The following PDZD2 variants were observed in gnomAD, a reference collection of about 807,000 sequenced individuals.
The protein encoded by PDZD2 is PDZ domain containing 2, also known as PDZ domain-containing protein 2.
A neutral mutation model predicts 220.7 loss-of-function variants in PDZD2; 90 were observed. That is an observed-to-expected ratio of 0.41 (90% CI 0.34 to 0.49). The LOEUF (loss-of-function observed/expected upper bound fraction) is 0.49, where lower values mean the gene tolerates loss of function less well. Among genes scored for constraint, PDZD2 ranks in the 20% least tolerant of loss-of-function variants. The pLI is 0.28. For missense variants in PDZD2, 3,174 were observed against 3,608.5 expected (o/e 0.88, Z 3.08); for synonymous variants, 1,375 against 1,450.5 (o/e 0.95, Z 1.18).
chr5:31,709,445 T>C (rs1283837247), intron 1 of PDZD2, among the ~76,000 whole-genome samples: 1 of 151,410 alleles, frequency 6.6e-6, no homozygotes, highest in African/African-American at 2.4e-5. Context: ...CTTATGGCAC[T>C]GCACTGCAGC....
intron 5 of PDZD2, among the ~76,000 whole-genome samples, chr5:32,007,913 G>A (rs35487138): frequency 0.22 from 33,060 of 151,946 alleles, 3,675 homozygotes; most frequent in Admixed American, 0.26. Context: ...GATCTCACCT[G>A]CGTCTTACAG....
rs1186259605 is a variant in PDZD2, at chr5:32,022,178, TTTTTTTGTTTTTTTG to T, written c.1407+11711_1407+11725del. ...CTTGTCTTCTTCTTTTTTCGTTTTG[TTTTTTTGTTTTTTTG>T]TTTTTTGTTTTTTTTTGGAGTTGGG... On this transcript the variant is annotated intron_variant, in intron 6 of 24. Coordinates refer to ENST00000438447, the MANE Select transcript of PDZD2 (RefSeq NM_178140.4). Among the ~76,000 whole-genome samples the T allele has an allele frequency of 2.7e-4, 25 of 93,894 alleles. 1 individual carries two copies. The highest frequency in any genetic ancestry group is 7.9e-4 in the African/African-American group (21 of 26,542). The allele number at this position is 93,894 out of a possible 152,430, so 61.6% of individuals were successfully genotyped here.
chr5:32,085,452 A>ATTT (rs924402436), intron 19 of PDZD2, among the ~76,000 whole-genome samples: 6 of 142,784 alleles, frequency 4.2e-5, no homozygotes, highest in African/African-American at 1.3e-4. Context: ...CCTTATTATT[A>ATTT]TTTTTTTTTT....
chr5:31,953,013 G>A (rs1355061250), intron 2 of PDZD2, among the ~76,000 whole-genome samples: 3 of 148,400 alleles, frequency 2.0e-5, no homozygotes, highest in Admixed American at 6.8e-5. Flanking sequence ...AGTCATGATC[G>A]TGCCACTGTA....
intron 2 of PDZD2, among the ~76,000 whole-genome samples, chr5:31,975,345 C>T (rs1454740980): frequency 2.0e-5 from 3 of 152,134 alleles, no homozygotes; most frequent in African/African-American, 7.2e-5. Context: ...CATCGGATCT[C>T]GTGAGACTTA....
chr5:31,769,005 G>A lies in PDZD2; in HGVS notation c.-360-29884G>A, dbSNP rs116780564. Among the ~76,000 whole-genome samples, 1,299 of 152,330 alleles carry A rather than the reference G, an allele frequency of 8.5e-3. 14 individuals are homozygous for A. The highest frequency in any genetic ancestry group is 0.029 in the African/African-American group (1,222 of 41,566). The stretch of plus-strand genomic sequence containing the variant: ...CCCCAGGTGTCAGTAAATTCGTCCA[G>A]AATGAATGAGTGAATGAACTGAACT... On this transcript the variant is annotated intron_variant, in intron 1 of 24. Coordinates refer to ENST00000438447, the MANE Select transcript of PDZD2 (RefSeq NM_178140.4).
chr5:31,876,730 A>G (rs940994077), intron 2 of PDZD2, among the ~76,000 whole-genome samples: 3 of 152,220 alleles, frequency 2.0e-5, no homozygotes, highest in African/African-American at 7.2e-5. Flanking sequence ...TGTAATTACA[A>G]TGTCATCCAC....
chr5:31,800,899 C>G (rs1038329819), intron 2 of PDZD2, among the ~76,000 whole-genome samples: 3 of 152,192 alleles, frequency 2.0e-5, no homozygotes, highest in Non-Finnish European at 4.4e-5. Context: ...ATGGAGACAG[C>G]TCACCCAAGG....
chr5:31,853,785 T>C lies in PDZD2; in HGVS notation c.476+54061T>C, dbSNP rs141158258. ...CCAGAGGGGTGGAGTGGGACTGGGG[T>C]GTGACTTAACCTGAACCCCAAGGAG... On this transcript the variant is annotated intron_variant, in intron 2 of 24. Transcript: ENST00000438447. Among the ~76,000 whole-genome samples, 747 of 152,128 alleles carry C rather than the reference T, an allele frequency of 4.9e-3. 5 individuals are homozygous for C. The highest frequency in any genetic ancestry group is 0.018 in the African/African-American group (728 of 41,504).
rs72757914 is a variant in PDZD2 at position 31,833,135 on chromosome 5, T to G, written c.476+33411T>G. 8.1e-3 allele frequency among the ~76,000 whole-genome samples: 1,226 copies of G among 152,272 alleles called. 9 individuals carry two copies. Among genetic ancestry groups the G allele is most frequent in the Non-Finnish European group, 0.013 (909 of 68,024 alleles). On this transcript the variant is annotated intron_variant, in intron 2 of 24. Coordinates refer to ENST00000438447, the MANE Select transcript of PDZD2 (RefSeq NM_178140.4). ...AATGAGACAAATGTCATTAAAAGGT[T>G]AAGACACTTGTTGCTAATATCTTAA...
intron 2 of PDZD2, among the ~76,000 whole-genome samples, chr5:31,820,917 A>T: frequency 6.8e-6 from 1 of 147,544 alleles, no homozygotes; most frequent in African/African-American, 2.5e-5. Flanking sequence ...TTTTGCCCTA[A>T]TTTTTTTTTT....
At chr5:31,669,480 C>T (rs192441351) in intron 1 of PDZD2, among the ~76,000 whole-genome samples, 309 of 152,178 alleles carry the variant, frequency 2.0e-3, no homozygotes, top group South Asian at 4.2e-3. Flanking sequence ...TTCCTGGCTG[C>T]CCCCTGTCCT....
chr5:32,103,518 A>C (rs1561610118), intron 24 of PDZD2: 1 of 152,242 alleles, frequency 6.6e-6, no homozygotes, highest in Non-Finnish European at 1.5e-5. Flanking sequence ...ACTGCATACA[A>C]CAATCAGAGT....
chr5:31,850,007 TACACACACAC>T (rs1561507631), intron 2 of PDZD2, among the ~76,000 whole-genome samples: 18 of 82,188 alleles, frequency 2.2e-4, no homozygotes, highest in African/African-American at 2.3e-4. Flanking sequence ...TATATATATA[TACACACACAC>T]GTATATACTC....
chr5:32,010,542 G>A (rs536463219), intron 6 of PDZD2, 60 bp downstream of exon 6: 96 of 1,223,330 alleles, frequency 7.8e-5, no homozygotes, highest in Admixed American at 4.0e-4. Flanking sequence ...AGTCCTGGGC[G>A]CCAGGATTAG....
rs192845142 is a variant in PDZD2, at chr5:32,021,745, T to C, written c.1407+11263T>C. Among the ~76,000 whole-genome samples the C allele has an allele frequency of 2.1e-3, 327 of 152,340 alleles. 2 individuals carry two copies. Among genetic ancestry groups the C allele is most frequent in the African/African-American group, 7.3e-3 (303 of 41,576 alleles). On this transcript the variant is annotated intron_variant, in intron 6 of 24. Coordinates refer to ENST00000438447, the MANE Select transcript of PDZD2 (RefSeq NM_178140.4). ...ATGGGCAGGTGTTTTCCAAAATTTG[T>C]TGGTAAAGCTTTTGTTTGGATATTC...
intron 2 of PDZD2, among the ~76,000 whole-genome samples, chr5:31,887,055 A>G (rs970775126): frequency 1.4e-4 from 22 of 152,146 alleles, no homozygotes; most frequent in Admixed American, 3.3e-4. Context: ...AGGCTGTGCC[A>G]TGCATAGTTG....
intron 10 of PDZD2, among the ~76,000 whole-genome samples, chr5:32,057,119 G>A (rs1390700495): frequency 6.6e-6 from 1 of 151,968 alleles, no homozygotes; most frequent in Non-Finnish European, 1.5e-5. Flanking sequence ...TTTTTTTTTA[G>A]TAAAAAAAAG....
intron 2 of PDZD2, among the ~76,000 whole-genome samples, chr5:31,929,139 TGGA>T (rs1234138845): frequency 6.6e-6 from 1 of 152,174 alleles, no homozygotes; most frequent in African/African-American, 2.4e-5. Flanking sequence ...CTCAGCGTCG[TGGA>T]GTTTTGAATC....
Sources: gnomAD v4.1 joint callset for allele counts (sites outside exome capture counted in the v4.1 genomes callset) on GRCh38, gnomAD v4.1.1 for gene constraint, MANE v1.5 for transcripts, NCBI Gene and HGNC (gene_info 2026-07-23, HGNC 2026-07-21) for gene names.